Variants in CSMD3 observed in about 807,000 individuals in gnomAD.
The protein encoded by CSMD3 is CUB and Sushi multiple domains 3.
A neutral mutation model predicts 435.2 loss-of-function variants in CSMD3; 177 were observed. The ratio of observed to expected loss-of-function variants is 0.41; its 90% CI spans 0.36 to 0.46. The LOEUF (loss-of-function observed/expected upper bound fraction) is 0.46. Ranked by LOEUF, CSMD3 falls within the 20% of genes least tolerant of loss-of-function variation. The pLI is 0.34. For missense variants in CSMD3, 4,265 were observed against 4,504.6 expected, an observed-to-expected ratio of 0.95 and a Z score of 1.52; for synonymous variants, 1,656 against 1,520.5, an observed-to-expected ratio of 1.09 and a Z score of -2.07.
chr8:112,734,521 G>A (rs1345753232), intron 13 of CSMD3, among the ~76,000 whole-genome samples: 1 of 151,914 alleles, frequency 6.6e-6, no homozygotes. Flanking sequence ...TCAATTTTTT[G>A]TGAGACTTTT....
At chr8:113,257,023 G>C (rs1458143857) in intron 3 of CSMD3, among the ~76,000 whole-genome samples, 1 of 152,142 alleles carries the variant, frequency 6.6e-6, no homozygotes, top group East Asian at 1.9e-4. Context: ...AGTGCAGGGT[G>C]TACAGAATGA....
chr8:113,406,865 G>C (rs1336603410), intron 1 of CSMD3, among the ~76,000 whole-genome samples: 2 of 152,010 alleles, frequency 1.3e-5, no homozygotes, highest in African/African-American at 4.8e-5. Context: ...CTGTAGAGTG[G>C]AGAACTGCAA....
At chr8:112,394,622 C>A (rs1273513308) in intron 35 of CSMD3, among the ~76,000 whole-genome samples, 1 of 152,100 alleles carries the variant, frequency 6.6e-6, no homozygotes, top group Admixed American at 6.6e-5. Context: ...ACTTGCTCAC[C>A]AACAAGAAAG....
intron 42 of CSMD3, among the ~76,000 whole-genome samples, chr8:112,340,309 C>T (rs1824972333): frequency 1.3e-5 from 2 of 152,106 alleles, no homozygotes; most frequent in Non-Finnish European, 2.9e-5. Flanking sequence ...TGAAATGACT[C>T]CTATTTTATG....
chr8:112,662,847 T>A (rs934687775), intron 17 of CSMD3, among the ~76,000 whole-genome samples: 48 of 152,052 alleles, frequency 3.2e-4, no homozygotes, highest in African/African-American at 1.1e-3. Flanking sequence ...AACAACTCCA[T>A]CACAAAGTGG....
At chr8:112,275,222 A>C (rs1391157197) in intron 59 of CSMD3, among the ~76,000 whole-genome samples, 1 of 152,172 alleles carries the variant, frequency 6.6e-6, no homozygotes, top group African/African-American at 2.4e-5. Context: ...CTGCTGATAA[A>C]GACGTACCTG....
At chr8:113,173,612 A>T in intron 4 of CSMD3, 110 bp downstream of exon 4, 1 of 897,826 alleles carries the variant, frequency 1.1e-6, no homozygotes, top group Non-Finnish European at 1.8e-6. Flanking sequence ...GTGAGTCACC[A>T]TGCCTGGCCT....
chr8:112,843,898 T>C (rs943297928), intron 11 of CSMD3, among the ~76,000 whole-genome samples: 2 of 151,922 alleles, frequency 1.3e-5, no homozygotes, highest in Non-Finnish European at 2.9e-5. Flanking sequence ...ATTAATATTA[T>C]TATTTGTTTT....
intron 45 of CSMD3, among the ~76,000 whole-genome samples, chr8:112,325,575 C>T (rs1823428026): frequency 6.6e-6 from 1 of 152,066 alleles, no homozygotes; most frequent in Admixed American, 6.6e-5. Context: ...CAGTGTTCAG[C>T]ACGTAGCAGC....
intron 1 of CSMD3, among the ~76,000 whole-genome samples, chr8:113,404,486 C>G (rs1474220315): frequency 6.6e-6 from 1 of 151,292 alleles, no homozygotes; most frequent in Non-Finnish European, 1.5e-5. Context: ...AATTCAGTGA[C>G]TAGGATTCAG....
intron 3 of CSMD3, among the ~76,000 whole-genome samples, chr8:113,179,577 T>C (rs1268393045): frequency 6.6e-6 from 1 of 151,864 alleles, no homozygotes; most frequent in Non-Finnish European, 1.5e-5. Flanking sequence ...CATTGATTTC[T>C]TCATTCTTTT....
At chr8:112,520,086 C>T (rs1225247838) in intron 27 of CSMD3, among the ~76,000 whole-genome samples, 1 of 151,874 alleles carries the variant, frequency 6.6e-6, no homozygotes, top group Non-Finnish European at 1.5e-5. Flanking sequence ...GCACCGATGT[C>T]AACATTAAAG....
intron 22 of CSMD3, among the ~76,000 whole-genome samples, chr8:112,594,088 G>C (rs1831443454): frequency 6.6e-6 from 1 of 152,154 alleles, no homozygotes; most frequent in African/African-American, 2.4e-5. Context: ...GGTGATTTCT[G>C]CATTTCCATC....
intron 45 of CSMD3, 58 bp from the exon 46 acceptor site, chr8:112,320,039 T>C: frequency 1.8e-6 from 2 of 1,117,154 alleles, no homozygotes; most frequent in Non-Finnish European, 2.7e-6. Context: ...TATTCACATA[T>C]GCAAAAAAAC....
intron 39 of CSMD3, 67 bp downstream of exon 39, chr8:112,352,349 T>A (rs535670244): frequency 3.5e-5 from 56 of 1,605,070 alleles, no homozygotes; most frequent in Non-Finnish European, 4.6e-5. Context: ...GGCTTATCAA[T>A]CATTGATTTG....
intron 52 of CSMD3, 82 bp from the exon 53 acceptor site, chr8:112,302,048 A>G: frequency 1.0e-6 from 1 of 956,212 alleles, no homozygotes; most frequent in South Asian, 1.4e-5. Flanking sequence ...GAACATTTTG[A>G]GCTTCCTATG....
chr8:113,077,175 A>T (rs765941480), intron 5 of CSMD3, among the ~76,000 whole-genome samples: 11 of 152,108 alleles, frequency 7.2e-5, no homozygotes, highest in Non-Finnish European at 1.6e-4. Flanking sequence ...GGATTCTATA[A>T]ATTTCCTGAC....
rs2083312020 is a variant in CSMD3 at position 112,937,351 on chromosome 8, T to TG, written c.1508+10438dup. Among the ~76,000 whole-genome samples the TG allele has an allele frequency of 2.6e-5, 3 of 117,062 alleles. No individual in the cohort carries two copies. In the South Asian group the frequency reaches 8.4e-4, roughly 33 times the overall value. The allele number at this position is 117,062 out of a possible 152,430, so 76.8% of individuals were successfully genotyped here. On this transcript the variant is annotated intron_variant, in intron 9 of 70. Coordinates refer to ENST00000297405, the MANE Select transcript of CSMD3 (RefSeq NM_198123.2). ...CTTTGTTTTTGGACCTAGGTAATAATGTTTTTTTTTTTTTTTTGAGACAGA... is the reference window on the plus strand; with the variant it reads ...CTTTGTTTTTGGACCTAGGTAATAATGGTTTTTTTTTTTTTTTTGAGACAGA...
intron 18 of CSMD3, among the ~76,000 whole-genome samples, chr8:112,653,660 CTT>C (rs71309782): frequency 4.8e-4 from 62 of 130,118 alleles, no homozygotes; most frequent in Non-Finnish European, 6.0e-4. Context: ...ATAATCTTAT[CTT>C]TTTTTTTTTT....
Sources: allele counts gnomAD v4.1 joint callset (sites outside exome capture counted in the v4.1 genomes callset), GRCh38; gene constraint gnomAD v4.1.1; transcripts MANE v1.5; gene names NCBI Gene and HGNC (gene_info 2026-07-23, HGNC 2026-07-21).